The following WBP4 variants were observed in gnomAD, a reference collection of about 807,000 sequenced individuals.
WBP4 encodes WW domain-binding protein 4.
WBP4 carries 37 observed loss-of-function variants against 55.4 expected under a neutral mutation model. The ratio of observed to expected loss-of-function variants is 0.67; its 90% confidence interval spans 0.51 to 0.88. WBP4 has a LOEUF of 0.88. Among genes scored for constraint, WBP4 ranks in the 40% least tolerant of loss-of-function variants. The pLI is 0.00. For missense variants in WBP4, 398 were observed against 420.8 expected (o/e 0.95, Z 0.47); for synonymous variants, 142 against 140.2 (o/e 1.01, Z -0.09).
intron 9 of WBP4, among the ~76,000 whole-genome samples, chr13:41,081,587 A>G (rs780361877): frequency 6.6e-6 from 1 of 151,980 alleles, no homozygotes. Context: ...GTACATTTCT[A>G]TAGGATTCAG....
In WBP4 at chr13:41,068,792, C is replaced by G. The variant is rs1566209915; in HGVS notation, c.439+55C>G. ...GAACAGTGTCACTAGTAGAATAGAACAATTTATTTTATGTTAGGATTTTTA... is the reference window on the plus strand; with the variant it reads ...GAACAGTGTCACTAGTAGAATAGAAGAATTTATTTTATGTTAGGATTTTTA... On this transcript the variant is annotated intron_variant, in intron 5 of 9. Coordinates refer to ENST00000379487, the MANE Select transcript of WBP4 (RefSeq NM_007187.5). 4.9e-6 allele frequency: 7 copies of G among 1,420,106 alleles called. No homozygotes were observed. The South Asian group carries it at 1.2e-4, about 24-fold the overall frequency. The allele number at this position is 1,420,106 out of a possible 1,614,324, so 88.0% of individuals were successfully genotyped here.
At chr13:41,066,296 T>G (rs1877971252) in intron 4 of WBP4, among the ~76,000 whole-genome samples, 1 of 152,218 alleles carries the variant, frequency 6.6e-6, no homozygotes, top group African/African-American at 2.4e-5. Context: ...CTATTAAATA[T>G]TACCATAGCC....
rs1419720457 is a variant in WBP4 at position 41,073,490 on chromosome 13, G to A, written c.562+633G>A. 2.0e-5 allele frequency among the ~76,000 whole-genome samples: 3 copies of A among 150,996 alleles called. No homozygotes were observed. In the East Asian group the frequency reaches 5.9e-4, roughly 29 times the overall value. ...ATCGTGCCATTGCACTCCAGCCTGG[G>A]CAACAAGAGCAAAACTCTGTCTCAA... On this transcript the variant is annotated intron_variant, in intron 7 of 9. Transcript: ENST00000379487.
intron 4 of WBP4, among the ~76,000 whole-genome samples, chr13:41,068,275 A>C (rs1593426754): frequency 6.6e-6 from 1 of 152,238 alleles, no homozygotes; most frequent in Middle Eastern, 3.4e-3. Context: ...TGTTTCAATT[A>C]TATGCTTGCC....
chr13:41,081,463 A>G (rs1354139792), intron 9 of WBP4, among the ~76,000 whole-genome samples: 1 of 139,792 alleles, frequency 7.2e-6, no homozygotes, highest in Non-Finnish European at 1.5e-5. Context: ...ACACCACTTC[A>G]CTCCAGCCTG....
At position 41,068,108 on chromosome 13, in the gene WBP4, T is replaced by A. The variant is rs1414109998; in HGVS notation, c.263-453T>A. On this transcript the variant is annotated intron_variant, in intron 4 of 9. Coordinates refer to ENST00000379487, the MANE Select transcript of WBP4 (RefSeq NM_007187.5). ...AGATTTCTCATATGCATATATTGCA[T>A]AGTGATGGAATCTGGACTTTTAGTA... 2.0e-5 allele frequency among the ~76,000 whole-genome samples: 3 copies of A among 152,160 alleles called. No individual in the cohort carries two copies. In the East Asian group the frequency reaches 5.8e-4, roughly 29 times the overall value.
chr13:41,065,748 A>G (rs923051003), intron 4 of WBP4, among the ~76,000 whole-genome samples: 4 of 152,212 alleles, frequency 2.6e-5, no homozygotes, highest in African/African-American at 7.2e-5. Flanking sequence ...AGCAGATTTT[A>G]CTAGTAGAAG....
At chr13:41,071,716 A>G in intron 6 of WBP4, 143 bp downstream of exon 6, 1 of 736,436 alleles carries the variant, frequency 1.4e-6, no homozygotes, top group Non-Finnish European at 2.2e-6. Context: ...TTTTTCCCAT[A>G]ATGCTTTTGT....
intron 8 of WBP4, among the ~76,000 whole-genome samples, chr13:41,078,194 A>G (rs780869597): frequency 7.3e-4 from 111 of 152,224 alleles, no homozygotes; most frequent in Admixed American, 2.2e-3. Context: ...AGCAGTCCTA[A>G]GCAAAAAGAA....
At chr13:41,061,748 C>A (rs1016656343) in intron 1 of WBP4, 73 bp downstream of exon 1, 7 of 1,603,898 alleles carry the variant, frequency 4.4e-6, no homozygotes, top group East Asian at 2.2e-5. Flanking sequence ...CGGGTCTTCC[C>A]CTCCTCTCCT....
At chr13:41,080,020 A>G (rs1271552911) in intron 8 of WBP4, among the ~76,000 whole-genome samples, 4 of 138,800 alleles carry the variant, frequency 2.9e-5, no homozygotes, top group Non-Finnish European at 6.2e-5. Context: ...GTGGGCACAC[A>G]TGGACATACA....
At chr13:41,062,387 A>C (rs1241387281) in intron 1 of WBP4, 2 of 821,250 alleles carry the variant, frequency 2.4e-6, no homozygotes, top group African/African-American at 3.7e-5. Context: ...GATGACGATA[A>C]CAAGTGAGGA....
At chr13:41,080,286 C>T (rs561234110) in intron 8 of WBP4, among the ~76,000 whole-genome samples, 3 of 152,038 alleles carry the variant, frequency 2.0e-5, no homozygotes, top group Non-Finnish European at 2.9e-5. Context: ...ATAATCTTGC[C>T]GCCTCCCAGA....
intron 2 of WBP4, among the ~76,000 whole-genome samples, chr13:41,063,071 G>GT (rs755359535): frequency 3.9e-5 from 6 of 152,090 alleles, no homozygotes; most frequent in Non-Finnish European, 8.8e-5. Context: ...AACATGTTTA[G>GT]TTTTTCTTGT....
chr13:41,081,790 G>A (rs1878790603), intron 9 of WBP4, among the ~76,000 whole-genome samples: 1 of 152,160 alleles, frequency 6.6e-6, no homozygotes, highest in Non-Finnish European at 1.5e-5. Context: ...CTCCAGCCTG[G>A]GAGACAGAGC....
chr13:41,081,280 A>G (rs532733680), intron 9 of WBP4, among the ~76,000 whole-genome samples: 42 of 151,854 alleles, frequency 2.8e-4, no homozygotes, highest in Non-Finnish European at 4.4e-4. Flanking sequence ...AGGCAGATCA[A>G]CTGAGGTCAG....
chr13:41,068,626 CAGAA>C lies in WBP4; in HGVS notation c.334_337del (p.Glu112ArgfsTer17), dbSNP rs1566209734. On this transcript the variant is annotated frameshift_variant, in exon 5 of 10. Coordinates refer to ENST00000379487, the MANE Select transcript of WBP4 (RefSeq NM_007187.5). LOFTEE classifies it high-confidence loss of function. ...CCCACCTACCTCGACATCAAATCAACAGAAAGAAAAGAAAGAAAAGAAGAAAAGA... is the reference window on the plus strand; with the variant it reads ...CCCACCTACCTCGACATCAAATCAACAGAAAAGAAAGAAAAGAAGAAAAGA... 3.1e-6 allele frequency: 5 copies of C among 1,613,006 alleles called. No individual in the cohort carries two copies. The highest frequency in any genetic ancestry group is 4.2e-6 in the Non-Finnish European group (5 of 1,179,634).
intron 8 of WBP4, among the ~76,000 whole-genome samples, chr13:41,077,444 A>G (rs1226264115): frequency 6.6e-6 from 1 of 152,110 alleles, no homozygotes. Context: ...GTGAGCTGAG[A>G]TAGTGCCACT....
Position 41,065,009 on chromosome 13 carries a change from T to G in WBP4, c.76-7T>G. ...TTCTTTTGTTATTTTCTCTTTTCATTTTCAAGAGTGTTGAATTTCATGAAA... is the reference window on the plus strand; with the variant it reads ...TTCTTTTGTTATTTTCTCTTTTCATGTTCAAGAGTGTTGAATTTCATGAAA... On this transcript the variant is annotated splice_polypyrimidine_tract_variant and splice_region_variant and intron_variant, in intron 2 of 9. Transcript: ENST00000379487. 1.3e-6 allele frequency: 2 copies of G among 1,558,360 alleles called. No homozygotes were observed. Among genetic ancestry groups the G allele is most frequent in the Non-Finnish European group, 1.7e-6 (2 of 1,161,180 alleles).
Sources: gnomAD v4.1 joint callset for allele counts (sites outside exome capture counted in the v4.1 genomes callset) on GRCh38, gnomAD v4.1.1 for gene constraint, MANE v1.5 for transcripts, NCBI Gene and HGNC (gene_info 2026-07-23, HGNC 2026-07-21) for gene names.